Variants in PIGB observed in about 807,000 individuals in gnomAD.
The protein encoded by PIGB is phosphatidylinositol glycan anchor biosynthesis class B, also known as GPI alpha-1,2-mannosyltransferase 3.
PIGB carries 58 observed loss-of-function variants against 68.4 expected under a neutral mutation model. The observed-to-expected ratio is 0.85, with a 90% CI of 0.69 to 1.06. PIGB has a LOEUF of 1.06. PIGB is among the 50% of genes least tolerant of loss of function. The probability of loss-of-function intolerance (pLI) is 0.00; values close to 1 mark genes in which losing one functional copy is unlikely to be tolerated. For synonymous variants in PIGB, 219 were observed against 220.5 expected, an observed-to-expected ratio of 0.99 and a Z score of 0.06; for missense variants, 634 against 655.8, an observed-to-expected ratio of 0.97 and a Z score of 0.36.
intron 3 of PIGB, among the ~76,000 whole-genome samples, chr15:55,325,364 C>T (rs1299751409): frequency 2.0e-5 from 3 of 151,992 alleles, no homozygotes; most frequent in Non-Finnish European, 4.4e-5. Flanking sequence ...AATAAACTCA[C>T]GTATAAATTT....
chr15:55,329,898 T>C, intron 5 of PIGB, 44 bp downstream of exon 5: 1 of 1,410,500 alleles, frequency 7.1e-7, no homozygotes, highest in Non-Finnish European at 9.9e-7. Context: ...AATTCTACTT[T>C]TGAAAAATCT....
In PIGB at chr15:55,319,284, C is replaced by T. The variant is rs1223674298; in HGVS notation, c.34C>T (p.Pro12Ser). The change falls in exon 1 of 12, where the codon CCG becomes TCG. Residue 12 changes from proline to serine, a missense_variant. Pro to Ser is a moderately conservative substitution (Grantham distance 74). Coordinates refer to ENST00000164305, the MANE Select transcript of PIGB (RefSeq NM_004855.5). ...GCCCCTAAGCAAGTGCGGAATGGAG[C>T]CGGGGGGCGGAGATGCCAGCCTCAC... ...RRPLSKCGMEPGGGDASLTLH... is the reference protein window; with the variant it reads ...RRPLSKCGMESGGGDASLTLH... 2 of 1,606,984 alleles carry T rather than the reference C, an allele frequency of 1.2e-6. No individual in the cohort carries two copies. Among genetic ancestry groups the T allele is most frequent in the Admixed American group, 1.7e-5 (1 of 59,020 alleles).
At chr15:55,336,181 A>T (rs1440247669) in intron 6 of PIGB, among the ~76,000 whole-genome samples, 1 of 152,136 alleles carries the variant, frequency 6.6e-6, no homozygotes, top group East Asian at 1.9e-4. Flanking sequence ...CAGGAGTTCA[A>T]GAACAACCTG....
At chr15:55,337,303 A>G (rs1449803489) in intron 6 of PIGB, among the ~76,000 whole-genome samples, 1 of 152,210 alleles carries the variant, frequency 6.6e-6, no homozygotes, top group Non-Finnish European at 1.5e-5. Context: ...ATAAATACAT[A>G]GTTGCACTTA....
chr15:55,344,484 C>T (rs2055744950), intron 9 of PIGB, among the ~76,000 whole-genome samples: 1 of 152,232 alleles, frequency 6.6e-6, no homozygotes, highest in South Asian at 2.1e-4. Flanking sequence ...GTCACTGGGC[C>T]AGGCCAGATT....
intron 7 of PIGB, 76 bp from the exon 8 acceptor site, chr15:55,340,536 G>T (rs1418133634): frequency 6.1e-6 from 5 of 823,806 alleles, no homozygotes; most frequent in Admixed American, 2.6e-5. Context: ...TGTCAAAATT[G>T]TATCAATCCC....
chr15:55,348,145 C>T (rs2055842978), intron 9 of PIGB, among the ~76,000 whole-genome samples: 1 of 152,106 alleles, frequency 6.6e-6, no homozygotes, highest in South Asian at 2.1e-4. Context: ...CGCCTCCACA[C>T]CTAGCTAATT....
chr15:55,344,443 C>CA (rs1451767116), intron 9 of PIGB, among the ~76,000 whole-genome samples: 1 of 152,248 alleles, frequency 6.6e-6, no homozygotes, highest in African/African-American at 2.4e-5. Context: ...TGCATACTGT[C>CA]ACTTCCACCA....
chr15:55,341,859 C>G lies in PIGB; in HGVS notation c.1123+57C>G, dbSNP rs369147147. The G allele has an allele frequency of 7.4e-6, 5 of 676,158 alleles. No homozygotes were observed. In the African/African-American group the frequency reaches 9.3e-5, roughly 13 times the overall value. The allele number at this position is 676,158 out of a possible 1,614,324, so 41.9% of individuals were successfully genotyped here. A position where few individuals can be genotyped will look rare whatever the true frequency, so the allele number is the denominator to read the frequency against. ...TTATATAGAAATAGTCTAAAGACAA[C>G]ACATCCTCATTAAACTATGTCTATT... On this transcript the variant is annotated intron_variant, in intron 9 of 11. Transcript: ENST00000164305.
At chr15:55,323,056 C>G (rs2055202931) in intron 3 of PIGB, among the ~76,000 whole-genome samples, 1 of 152,124 alleles carries the variant, frequency 6.6e-6, no homozygotes. Flanking sequence ...AGGAAGCCTC[C>G]CCTGACCTGC....
intron 10 of PIGB, among the ~76,000 whole-genome samples, chr15:55,352,864 G>A (rs1195356074): frequency 1.3e-5 from 2 of 152,088 alleles, no homozygotes; most frequent in African/African-American, 4.8e-5. Context: ...TAATTACAGT[G>A]GTTATCATTT....
At chr15:55,347,018 C>T (rs767476341) in intron 9 of PIGB, among the ~76,000 whole-genome samples, 10 of 152,322 alleles carry the variant, frequency 6.6e-5, no homozygotes, top group Admixed American at 6.5e-5. Flanking sequence ...TTGACTTATA[C>T]TCTAAAGTTG....
intron 6 of PIGB, among the ~76,000 whole-genome samples, chr15:55,335,868 C>T (rs1171326865): frequency 6.6e-6 from 1 of 152,126 alleles, no homozygotes; most frequent in Non-Finnish European, 1.5e-5. Flanking sequence ...AGCAGGGGCT[C>T]AGTTCCTATC....
In PIGB at chr15:55,341,624, C is replaced by G. The variant is rs143855901; in HGVS notation, c.1059-114C>G. ...TGAAGCAAGAAATTCAGTCTGAATA[C>G]TTAGAAAATAAATAGATCAAGTTAA... On this transcript the variant is annotated intron_variant, in intron 8 of 11. Coordinates refer to ENST00000164305, the MANE Select transcript of PIGB (RefSeq NM_004855.5). 254 of 356,260 alleles carry G rather than the reference C, an allele frequency of 7.1e-4. 3 individuals carry two copies. Among genetic ancestry groups the G allele is most frequent in the African/African-American group, 4.9e-3 (227 of 46,240 alleles). 22.1% of individuals were successfully genotyped at this position (356,260 alleles called of 1,614,324 possible). A position where few individuals can be genotyped will look rare whatever the true frequency, so the allele number is the denominator to read the frequency against.
rs180933963 is a variant in PIGB at position 55,331,988 on chromosome 15, T to A, written c.654-1879T>A. 8.3e-4 allele frequency among the ~76,000 whole-genome samples: 126 copies of A among 152,220 alleles called. 1 individual carries two copies. The highest frequency in any genetic ancestry group is 2.3e-3 in the South Asian group (11 of 4,816). The stretch of plus-strand genomic sequence containing the variant: ...ACATTTCTCATTTTTATTTTATTTT[T>A]TTTTTTCGAGACAGTGTCTCTCTCT... On this transcript the variant is annotated intron_variant, in intron 5 of 11. Coordinates refer to ENST00000164305, the MANE Select transcript of PIGB (RefSeq NM_004855.5).
chr15:55,320,351 A>G lies in PIGB; in HGVS notation c.240A>G (p.Thr80=), dbSNP rs1347570769. 3.1e-6 allele frequency: 5 copies of G among 1,613,300 alleles called. No homozygotes were observed. The highest frequency in any genetic ancestry group is 8.5e-7 in the Non-Finnish European group (1 of 1,179,452). ...TATTAAACTGCTTTTTAGTGCAGAC[A>G]AGTTTTGTTCCAGATGAATACTGGC... The part of the protein sequence containing the change: ...LRILNCFLVQ[T]SFVPDEYWQS... Residue 80 remains threonine (T), a synonymous_variant, in exon 2 of 12, where the codon ACA becomes ACG. Coordinates refer to ENST00000164305, the MANE Select transcript of PIGB (RefSeq NM_004855.5).
At chr15:55,353,680 C>G (rs2055983137) in intron 10 of PIGB, among the ~76,000 whole-genome samples, 1 of 152,130 alleles carries the variant, frequency 6.6e-6, no homozygotes, top group Admixed American at 6.5e-5. Context: ...TCTCAGCTCA[C>G]TGCAACCTCC....
At chr15:55,332,885 A>G (rs1256328236) in intron 5 of PIGB, among the ~76,000 whole-genome samples, 2 of 152,176 alleles carry the variant, frequency 1.3e-5, no homozygotes, top group East Asian at 3.8e-4. Context: ...ATTTCTATCC[A>G]TGATCATACA....
chr15:55,342,930 A>T (rs1429866240), intron 9 of PIGB, among the ~76,000 whole-genome samples: 1 of 152,038 alleles, frequency 6.6e-6, no homozygotes, highest in Non-Finnish European at 1.5e-5. Flanking sequence ...TTAAGACCTT[A>T]AAAAAAATCA....
Sources: allele counts gnomAD v4.1 joint callset (sites outside exome capture counted in the v4.1 genomes callset), GRCh38; gene constraint gnomAD v4.1.1; transcripts MANE v1.5; gene names NCBI Gene and HGNC (gene_info 2026-07-23, HGNC 2026-07-21).